The following USO1 variants were observed in gnomAD, a reference collection of about 807,000 sequenced individuals.
The protein encoded by USO1 is USO1 vesicle transport factor.
USO1 carries 57 observed loss-of-function variants against 124.5 expected under a neutral mutation model. The ratio of observed to expected loss-of-function variants is 0.46; its 90% CI spans 0.37 to 0.57. The LOEUF (loss-of-function observed/expected upper bound fraction) is 0.57, where lower values mean the gene tolerates loss of function less well. Ranked by LOEUF, USO1 falls within the 20% of genes least tolerant of loss-of-function variation. USO1 has a pLI of 0.00. For missense variants in USO1, 900 were observed against 1,040.6 expected, an observed-to-expected ratio of 0.86 and a Z score of 1.86; for synonymous variants, 369 against 362.8, an observed-to-expected ratio of 1.02 and a Z score of -0.19.
intron 22 of USO1, among the ~76,000 whole-genome samples, chr4:75,811,384 G>A (rs969506452): frequency 6.6e-6 from 1 of 152,138 alleles, no homozygotes; most frequent in Non-Finnish European, 1.5e-5. Context: ...TCAAACTCCT[G>A]ACCTCAGGTG....
intron 3 of USO1, among the ~76,000 whole-genome samples, chr4:75,757,237 AC>A (rs1721473819): frequency 2.0e-5 from 3 of 152,156 alleles, no homozygotes; most frequent in Non-Finnish European, 4.4e-5. Flanking sequence ...AAGTAAAAAA[AC>A]AAAATACATT....
intron 18 of USO1, 25 bp from the exon 19 acceptor site, chr4:75,805,115 T>C (rs1722955529): frequency 6.6e-7 from 1 of 1,526,614 alleles, no homozygotes; most frequent in African/African-American, 1.4e-5. Flanking sequence ...CCGTTGGCTT[T>C]TAAAATGTTA....
chr4:75,772,251 T>G (rs1721953099), intron 7 of USO1, among the ~76,000 whole-genome samples: 1 of 152,212 alleles, frequency 6.6e-6, no homozygotes, highest in African/African-American at 2.4e-5. Context: ...GGACATTTTT[T>G]TTTGAGATGG....
rs1357618015 is a variant in USO1, at chr4:75,752,415, G to A, written c.109G>A (p.Asp37Asn). 2 of 398,282 alleles carry A rather than the reference G, an allele frequency of 5.0e-6. No homozygotes were observed. The highest frequency in any genetic ancestry group is 6.3e-4 in the Middle Eastern group (1 of 1,584). The allele number at this position is 398,282 out of a possible 1,614,324, so 24.7% of individuals were successfully genotyped here. A position where few individuals can be genotyped will look rare whatever the true frequency, so the allele number is the denominator to read the frequency against. The stretch of plus-strand genomic sequence containing the variant: ...CAGAGTAGCTTCATCTACTTTATTG[G>A]ATGATCGAAGAAATGCTGTTCGTGC... ...CDRVASSTLL[D>N]DRRNAVRALK... Residue 37 changes from aspartate to asparagine, a missense_variant, in exon 2 of 24, where the codon GAT becomes AAT. Physicochemically the swap from Asp to Asn is conservative, Grantham distance 23. Transcript: ENST00000514213.
chr4:75,780,428 G>A lies in USO1; in HGVS notation c.677-2252G>A, dbSNP rs1475531923. 6.0e-5 allele frequency among the ~76,000 whole-genome samples: 9 copies of A among 150,962 alleles called. No individual in the cohort carries two copies. The East Asian group carries it at 1.6e-3, about 26-fold the overall frequency. Reference sequence around the variant, plus strand: ...ATTACAGGCACCCACTACTGTGCCCGGCTAATTTTTTGTATTTTTTTTTTT... The same window carrying A: ...ATTACAGGCACCCACTACTGTGCCCAGCTAATTTTTTGTATTTTTTTTTTT... On this transcript the variant is annotated intron_variant, in intron 8 of 23. Coordinates refer to ENST00000514213, the MANE Select transcript of USO1 (RefSeq NM_003715.4).
chr4:75,747,654 G>T (rs982609120), intron 1 of USO1, among the ~76,000 whole-genome samples: 1 of 141,978 alleles, frequency 7.0e-6, no homozygotes, highest in Non-Finnish European at 1.5e-5. Flanking sequence ...CTGTGGCCCA[G>T]GCTGGAGTGC....
chr4:75,790,301 C>G, intron 11 of USO1, 63 bp downstream of exon 11: 1 of 1,522,120 alleles, frequency 6.6e-7, no homozygotes. Flanking sequence ...GTTAATGTAT[C>G]TCATATACAC....
intron 1 of USO1, among the ~76,000 whole-genome samples, chr4:75,738,789 A>T (rs994133635): frequency 6.6e-6 from 1 of 151,690 alleles, no homozygotes; most frequent in Non-Finnish European, 1.5e-5. Flanking sequence ...CCAAGTATAT[A>T]TATATATTTT....
At chr4:75,793,650 A>G (rs773256882) in intron 12 of USO1, 40 bp from the exon 13 acceptor site, 3 of 1,554,086 alleles carry the variant, frequency 1.9e-6, no homozygotes, top group Non-Finnish European at 8.7e-7. Flanking sequence ...TTTACGTCAA[A>G]ATCTAATATA....
intron 17 of USO1, among the ~76,000 whole-genome samples, chr4:75,803,701 A>T (rs2149191974): frequency 6.6e-6 from 1 of 151,540 alleles, no homozygotes. Flanking sequence ...TAGTTTTATT[A>T]TGATGGTAAA....
At chr4:75,771,381 T>G (rs1192006669) in intron 7 of USO1, among the ~76,000 whole-genome samples, 1 of 152,302 alleles carries the variant, frequency 6.6e-6, no homozygotes, top group East Asian at 1.9e-4. Context: ...ATTACAGACA[T>G]GAGCCACTGA....
At chr4:75,777,301 G>A (rs1722098066) in intron 8 of USO1, among the ~76,000 whole-genome samples, 1 of 152,046 alleles carries the variant, frequency 6.6e-6, no homozygotes, top group East Asian at 1.9e-4. Context: ...ATTCTTAGAT[G>A]CAATACCAAA....
intron 1 of USO1, chr4:75,729,830 A>T (rs1417046794): frequency 4.1e-6 from 1 of 245,246 alleles, no homozygotes; most frequent in Non-Finnish European, 8.3e-6. Flanking sequence ...TCAAACTTTC[A>T]TCAGCTGTCT....
intron 1 of USO1, among the ~76,000 whole-genome samples, chr4:75,732,316 A>G (rs1189295764): frequency 6.6e-6 from 1 of 152,170 alleles, no homozygotes; most frequent in East Asian, 1.9e-4. Context: ...AGCTGCATCT[A>G]TGTTGCTGCA....
intron 7 of USO1, 108 bp from the exon 8 acceptor site, chr4:75,774,568 T>A: frequency 7.6e-7 from 1 of 1,322,920 alleles, no homozygotes; most frequent in East Asian, 2.5e-5. Flanking sequence ...GTAAAGGAGT[T>A]GGGCTTGCAA....
chr4:75,786,996 A>T, intron 9 of USO1, 66 bp from the exon 10 acceptor site: 1 of 1,469,786 alleles, frequency 6.8e-7, no homozygotes, highest in South Asian at 1.5e-5. Flanking sequence ...GTTCACATAG[A>T]TCAGATTTGC....
At chr4:75,749,460 G>A (rs180939157) in intron 1 of USO1, among the ~76,000 whole-genome samples, 163 of 104,098 alleles carry the variant, frequency 1.6e-3, no homozygotes, top group African/African-American at 5.7e-3. Context: ...GAGTGCAGTG[G>A]CGTGATCATA....
Position 75,809,068 on chromosome 4 carries a change from T to C in USO1, c.2475+17T>C, listed in dbSNP as rs768605566. On this transcript the variant is annotated intron_variant, in intron 21 of 23. Coordinates refer to ENST00000514213, the MANE Select transcript of USO1 (RefSeq NM_003715.4). The stretch of plus-strand genomic sequence containing the variant: ...GAAGCGTTTGTAAGTATTTTCTCTT[T>C]TTTCTCTGGAAGGTAATAAAGACAA... 24 of 1,555,390 alleles carry C rather than the reference T, an allele frequency of 1.5e-5. No homozygotes were observed. Among genetic ancestry groups the C allele is most frequent in the Non-Finnish European group, 2.0e-5 (23 of 1,154,088 alleles).
At chr4:75,802,899 A>G (rs567002494) in intron 17 of USO1, among the ~76,000 whole-genome samples, 1 of 150,938 alleles carries the variant, frequency 6.6e-6, no homozygotes, top group South Asian at 2.1e-4. Flanking sequence ...TCTGACCAAC[A>G]TGGAGAAACC....
Sources: gnomAD v4.1 joint callset for allele counts (sites outside exome capture counted in the v4.1 genomes callset) on GRCh38, gnomAD v4.1.1 for gene constraint, MANE v1.5 for transcripts, NCBI Gene and HGNC (gene_info 2026-07-23, HGNC 2026-07-21) for gene names.